The following HIVEP1 variants were observed in gnomAD, a reference collection of about 807,000 sequenced individuals.
HIVEP1 encodes the protein zinc finger protein 40.
In HIVEP1, 36 loss-of-function variants were observed where a neutral mutation model predicts 180.0. That is an observed-to-expected ratio of 0.20 (90% CI 0.15 to 0.26). The LOEUF (loss-of-function observed/expected upper bound fraction) is 0.26, where lower values mean the gene tolerates loss of function less well. Among genes scored for constraint, HIVEP1 ranks in the 10% least tolerant of loss-of-function variants. The pLI, the probability that HIVEP1 is intolerant of heterozygous loss-of-function variation, is 1.00. For missense variants in HIVEP1, 3,143 were observed against 3,268.7 expected (o/e 0.96, Z 0.94); for synonymous variants, 1,239 against 1,239.0 (o/e 1.00, Z 0.00).
At chr6:12,092,379 T>A (rs891620924) in intron 3 of HIVEP1, among the ~76,000 whole-genome samples, 1 of 152,222 alleles carries the variant, frequency 6.6e-6, no homozygotes, top group Non-Finnish European at 1.5e-5. Context: ...GATTCACCCA[T>A]GCCGTTGCAC....
intron 2 of HIVEP1, among the ~76,000 whole-genome samples, chr6:12,048,033 C>G (rs1038679840): frequency 5.3e-5 from 8 of 152,224 alleles, no homozygotes; most frequent in Non-Finnish European, 1.2e-4. Flanking sequence ...GTTGCTGTTC[C>G]ATTTTGCAGG....
At chr6:12,070,046 G>A (rs1242541813) in intron 2 of HIVEP1, among the ~76,000 whole-genome samples, 3 of 151,968 alleles carry the variant, frequency 2.0e-5, no homozygotes, top group African/African-American at 7.3e-5. Context: ...CTTGTCCCAC[G>A]GAAGGTCTTC....
At chr6:12,133,823 A>G (rs1436620964) in intron 6 of HIVEP1, among the ~76,000 whole-genome samples, 1 of 152,252 alleles carries the variant, frequency 6.6e-6, no homozygotes, top group Admixed American at 6.5e-5. Flanking sequence ...ACTAAAATAC[A>G]AAAAATTAGC....
chr6:12,030,064 A>G (rs1768838328), intron 2 of HIVEP1, among the ~76,000 whole-genome samples: 1 of 152,148 alleles, frequency 6.6e-6, no homozygotes, highest in Non-Finnish European at 1.5e-5. Context: ...TTCTGGATAT[A>G]GAATTCTTGG....
chr6:12,144,992 C>T (rs1387405053), intron 7 of HIVEP1, among the ~76,000 whole-genome samples: 1 of 152,176 alleles, frequency 6.6e-6, no homozygotes, highest in East Asian at 1.9e-4. Context: ...ACTAGAAATA[C>T]CATTTGATCC....
At chr6:12,065,692 C>CGTGT (rs61620887) in intron 2 of HIVEP1, among the ~76,000 whole-genome samples, 1 of 145,116 alleles carries the variant, frequency 6.9e-6, no homozygotes, top group South Asian at 2.2e-4. Flanking sequence ...TGTGTGTGTG[C>CGTGT]GTGTGTGTGT....
chr6:12,028,142 A>C (rs1768705980), intron 2 of HIVEP1, among the ~76,000 whole-genome samples: 3 of 151,478 alleles, frequency 2.0e-5, no homozygotes, highest in Admixed American at 1.3e-4. Flanking sequence ...AGAATCGGTA[A>C]CTGTTAACAT....
chr6:12,109,065 C>G, intron 3 of HIVEP1, among the ~76,000 whole-genome samples: 1 of 152,304 alleles, frequency 6.6e-6, no homozygotes, highest in South Asian at 2.1e-4. Flanking sequence ...CTGCAAGCTC[C>G]GCCTCCCAGG....
chr6:12,062,369 C>T (rs1487626204), intron 2 of HIVEP1, among the ~76,000 whole-genome samples: 1 of 151,944 alleles, frequency 6.6e-6, no homozygotes, highest in Non-Finnish European at 1.5e-5. Flanking sequence ...GTCTAAATTT[C>T]TTTACCTTTT....
chr6:12,127,743 G>C (rs1478216585), intron 4 of HIVEP1, among the ~76,000 whole-genome samples: 3 of 152,216 alleles, frequency 2.0e-5, no homozygotes, highest in African/African-American at 4.8e-5. Context: ...GAAACTGAAA[G>C]AGTTTGATCA....
At chr6:12,103,870 T>C (rs531387378) in intron 3 of HIVEP1, among the ~76,000 whole-genome samples, 1 of 152,256 alleles carries the variant, frequency 6.6e-6, no homozygotes, top group South Asian at 2.1e-4. Context: ...TTTCCATTTG[T>C]GCAAGTTTGT....
chr6:12,191,328 AC>A, the HIVEP1 span, among the ~76,000 whole-genome samples: 15 of 152,310 alleles, frequency 9.8e-5, no homozygotes, highest in African/African-American at 2.9e-4. Context: ...AGTGGCTCAC[AC>A]CTCTAATCCC....
chr6:12,146,723 T>C (rs933924268), intron 7 of HIVEP1, among the ~76,000 whole-genome samples: 2 of 152,218 alleles, frequency 1.3e-5, no homozygotes, highest in Non-Finnish European at 2.9e-5. Context: ...TAAAGATCTG[T>C]TCTGTTTTTT....
chr6:12,172,164 T>C, the HIVEP1 span, among the ~76,000 whole-genome samples: 1 of 152,228 alleles, frequency 6.6e-6, no homozygotes, highest in Admixed American at 6.5e-5. Context: ...TAATTAAAAG[T>C]CCCCATGACA....
chr6:12,041,569 C>T (rs189486319), intron 2 of HIVEP1, among the ~76,000 whole-genome samples: 110 of 150,852 alleles, frequency 7.3e-4, no homozygotes, highest in Non-Finnish European at 1.1e-3. Context: ...TCCTTCAGGT[C>T]ATTACATGCA....
At chr6:12,193,627 TG>T in the HIVEP1 span, among the ~76,000 whole-genome samples, 1 of 152,214 alleles carries the variant, frequency 6.6e-6, no homozygotes, top group African/African-American at 2.4e-5. Context: ...GCAATTTGTT[TG>T]TTTGTGGAAT....
Position 12,015,434 on chromosome 6 carries a change from T to G in HIVEP1, c.-103-92T>G, listed in dbSNP as rs139443250. The stretch of plus-strand genomic sequence containing the variant: ...CCCAGCTTGGTTACTTTTTCTTGAG[T>G]TTAGGTTAGTGCTCTGCTAGGCAGT... On this transcript the variant is annotated intron_variant, in intron 1 of 8. Coordinates refer to ENST00000379388, the MANE Select transcript of HIVEP1 (RefSeq NM_002114.4). 5.0e-4 allele frequency: 245 copies of G among 487,656 alleles called. 1 individual carries two copies. Among genetic ancestry groups the G allele is most frequent in the Non-Finnish European group, 3.6e-5 (10 of 276,578 alleles). 30.2% of individuals were successfully genotyped at this position (487,656 alleles called of 1,614,324 possible). A position where few individuals can be genotyped will look rare whatever the true frequency, so the allele number is the denominator to read the frequency against.
intron 7 of HIVEP1, among the ~76,000 whole-genome samples, chr6:12,149,072 C>T (rs1759536144): frequency 6.6e-6 from 1 of 152,136 alleles, no homozygotes; most frequent in Non-Finnish European, 1.5e-5. Context: ...TTGGTAGGTA[C>T]ACTTCCTGTT....
chr6:12,187,520 C>G, the HIVEP1 span, among the ~76,000 whole-genome samples: 19 of 152,224 alleles, frequency 1.2e-4, no homozygotes, highest in Admixed American at 4.6e-4. Context: ...CTGGAAGCAG[C>G]TTGTGGCCCT....
Sources: allele counts gnomAD v4.1 joint callset (sites outside exome capture counted in the v4.1 genomes callset), GRCh38; gene constraint gnomAD v4.1.1; transcripts MANE v1.5; gene names NCBI Gene and HGNC (gene_info 2026-07-23, HGNC 2026-07-21).